MECOM: variants seen among roughly 807,000 people sequenced by gnomAD.
MECOM encodes MDS1 and EVI1 complex locus.
A neutral mutation model predicts 116.3 loss-of-function variants in MECOM; 13 were observed. The observed-to-expected ratio is 0.11, with a 90% confidence interval of 0.07 to 0.18. The LOEUF (loss-of-function observed/expected upper bound fraction) is 0.18, where lower values mean the gene tolerates loss of function less well. MECOM is among the 10% of genes least tolerant of loss of function. The pLI is 1.00. For synonymous variants in MECOM, 528 were observed against 535.2 expected, an observed-to-expected ratio of 0.99 and a Z score of 0.19; for missense variants, 1,299 against 1,509.0, an observed-to-expected ratio of 0.86 and a Z score of 2.31.
At chr3:169,651,481 T>G (rs1364398673) in intron 1 of MECOM, among the ~76,000 whole-genome samples, 1 of 152,192 alleles carries the variant, frequency 6.6e-6, no homozygotes, top group Admixed American at 6.6e-5. Flanking sequence ...CTTTTTTGGT[T>G]ACGGCATTTG....
chr3:169,621,093 T>C (rs979710845), intron 1 of MECOM, among the ~76,000 whole-genome samples: 1 of 152,224 alleles, frequency 6.6e-6, no homozygotes, highest in African/African-American at 2.4e-5. Context: ...CTAAGATGTC[T>C]ACTCTAGCTA....
intron 2 of MECOM, among the ~76,000 whole-genome samples, chr3:169,178,848 T>C (rs1745564848): frequency 6.6e-6 from 1 of 152,212 alleles, no homozygotes; most frequent in African/African-American, 2.4e-5. Flanking sequence ...TAACTGTCTC[T>C]TTTGTGAGGT....
chr3:169,171,859 A>G lies in MECOM; in HGVS notation c.376-28027T>C, dbSNP rs575941142. Among the ~76,000 whole-genome samples, 87 of 152,238 alleles carry G rather than the reference A, an allele frequency of 5.7e-4. 1 individual carries two copies. The highest frequency in any genetic ancestry group is 8.5e-4 in the Non-Finnish European group (58 of 67,994). On this transcript the variant is annotated intron_variant, in intron 2 of 16. Transcript: ENST00000651503. Reference sequence around the variant, plus strand: ...TTGGCCTTACTTTTCTCAAGGGAAGACAGAGAACTGACTCTAACAAAATAG... The same window carrying G: ...TTGGCCTTACTTTTCTCAAGGGAAGGCAGAGAACTGACTCTAACAAAATAG...
chr3:169,484,977 TTTACTC>T (rs1751934086), intron 1 of MECOM, among the ~76,000 whole-genome samples: 1 of 151,592 alleles, frequency 6.6e-6, no homozygotes, highest in Non-Finnish European at 1.5e-5. Flanking sequence ...ATTTCTGATC[TTTACTC>T]TTGCTTATTT....
Position 169,131,484 on chromosome 3 carries a change from CA to C in MECOM, c.557del (p.Leu186ArgfsTer4). ...GATAGTCTTCGCTCTTCATGAACAG[CA>C]GAAGCTCCTCTCCCGGCGCAATGTC... is the stretch of plus-strand genomic sequence containing the variant. ...VADIAPGEEL[L>X]LFMKSEDYPH... On this transcript the variant is annotated frameshift_variant, in exon 4 of 17. Coordinates refer to ENST00000651503, the MANE Select transcript of MECOM (RefSeq NM_004991.4). LOFTEE classifies it high-confidence loss of function. 6.2e-7 allele frequency: 1 copy of C among 1,613,966 alleles called. No individual in the cohort carries two copies. The highest frequency in any genetic ancestry group is 8.5e-7 in the Non-Finnish European group (1 of 1,180,008).
intron 1 of MECOM, among the ~76,000 whole-genome samples, chr3:169,419,409 G>A (rs1739316731): frequency 6.6e-6 from 1 of 152,154 alleles, no homozygotes; most frequent in South Asian, 2.1e-4. Context: ...AATTTCACAT[G>A]TAACCAAATA....
chr3:169,438,907 G>C (rs954430873), intron 1 of MECOM, among the ~76,000 whole-genome samples: 1 of 151,794 alleles, frequency 6.6e-6, no homozygotes, highest in African/African-American at 2.4e-5. Context: ...TTGGGTGCTG[G>C]GGGCAAAGAT....
chr3:169,462,937 C>T (rs1314406097), intron 1 of MECOM, among the ~76,000 whole-genome samples: 1 of 152,086 alleles, frequency 6.6e-6, no homozygotes, highest in Admixed American at 6.6e-5. Context: ...AACATAAAGG[C>T]TAATTTTTAT....
intron 1 of MECOM, among the ~76,000 whole-genome samples, chr3:169,487,841 AATAC>A (rs1391092004): frequency 6.6e-6 from 1 of 152,184 alleles, no homozygotes; most frequent in Non-Finnish European, 1.5e-5. Flanking sequence ...GGATGAAAAA[AATAC>A]ATACCAAAAA....
intron 2 of MECOM, among the ~76,000 whole-genome samples, chr3:169,264,493 C>G (rs372873875): frequency 5.3e-5 from 8 of 152,114 alleles, no homozygotes; most frequent in African/African-American, 1.9e-4. Context: ...AGCGAAGTAT[C>G]AAGTGCAGAT....
intron 9 of MECOM, among the ~76,000 whole-genome samples, chr3:169,108,830 C>T (rs1010032355): frequency 6.6e-6 from 1 of 151,876 alleles, no homozygotes; most frequent in African/African-American, 2.4e-5. Flanking sequence ...TCCTCAGTTC[C>T]TTGGAATGTA....
At chr3:169,555,462 A>G (rs531443220) in intron 1 of MECOM, among the ~76,000 whole-genome samples, 1 of 152,176 alleles carries the variant, frequency 6.6e-6, no homozygotes, top group Non-Finnish European at 1.5e-5. Flanking sequence ...AAGACCCCCA[A>G]ATAAGTATCT....
intron 1 of MECOM, among the ~76,000 whole-genome samples, chr3:169,408,480 A>G (rs1394880874): frequency 6.6e-6 from 1 of 152,226 alleles, no homozygotes; most frequent in African/African-American, 2.4e-5. Context: ...ATATGCAGTA[A>G]AGGAAAACTT....
chr3:169,290,341 A>G (rs1427112902), intron 2 of MECOM, among the ~76,000 whole-genome samples: 10 of 152,196 alleles, frequency 6.6e-5, no homozygotes, highest in Non-Finnish European at 1.5e-5. Context: ...TAAAAAGTCA[A>G]CATTATTTAA....
intron 2 of MECOM, among the ~76,000 whole-genome samples, chr3:169,167,195 AT>A (rs1397943492): frequency 1.3e-5 from 2 of 152,068 alleles, no homozygotes; most frequent in Non-Finnish European, 2.9e-5. Flanking sequence ...CTAGGTTGTT[AT>A]TTATTGTTTG....
chr3:169,129,631 T>G (rs1289732343), intron 4 of MECOM, among the ~76,000 whole-genome samples: 1 of 152,126 alleles, frequency 6.6e-6, no homozygotes, highest in Non-Finnish European at 1.5e-5. Context: ...AGGAGAAACA[T>G]TTCCTATAGT....
At chr3:169,284,309 C>T (rs558194049) in intron 2 of MECOM, among the ~76,000 whole-genome samples, 8 of 152,270 alleles carry the variant, frequency 5.3e-5, no homozygotes, top group African/African-American at 1.9e-4. Context: ...TAGCAGCCTC[C>T]TTCGTGGTCT....
At chr3:169,603,316 A>T (rs955712430) in intron 1 of MECOM, among the ~76,000 whole-genome samples, 2 of 152,202 alleles carry the variant, frequency 1.3e-5, no homozygotes, top group Admixed American at 6.5e-5. Flanking sequence ...GGATATAAAA[A>T]ATATTTTTGT....
chr3:169,119,199 G>A (rs1730188940), intron 7 of MECOM, among the ~76,000 whole-genome samples: 1 of 152,118 alleles, frequency 6.6e-6, no homozygotes, highest in African/African-American at 2.4e-5. Context: ...CACACCAGTG[G>A]GGGTAAATCG....
Sources: gnomAD v4.1 joint callset for allele counts (sites outside exome capture counted in the v4.1 genomes callset) on GRCh38, gnomAD v4.1.1 for gene constraint, MANE v1.5 for transcripts, NCBI Gene and HGNC (gene_info 2026-07-23, HGNC 2026-07-21) for gene names.